The following B3GAT3 variants were observed in gnomAD, a reference collection of about 807,000 sequenced individuals.
B3GAT3 encodes galactosylgalactosylxylosylprotein 3-beta-glucuronosyltransferase 3.
B3GAT3 carries 19 observed loss-of-function variants against 33.1 expected under a neutral mutation model. That is an observed-to-expected ratio of 0.57 (90% confidence interval 0.40 to 0.84). The LOEUF is 0.84. B3GAT3 is among the 40% of genes least tolerant of loss of function. B3GAT3 has a pLI of 0.00. For missense variants in B3GAT3, 344 were observed against 441.5 expected (o/e 0.78, Z 1.98); for synonymous variants, 167 against 193.5 (o/e 0.86, Z 1.14).
chr11:62,615,991 C>G, intron 4 of B3GAT3, 192 bp from the exon 5 acceptor site: 1 of 1,448,262 alleles, frequency 6.9e-7, no homozygotes, highest in Non-Finnish European at 9.1e-7. Context: ...CGCCTGTAAC[C>G]CCAGCACTTT....
chr11:62,620,227 T>C (rs1045653048), intron 2 of B3GAT3, among the ~76,000 whole-genome samples: 7 of 152,178 alleles, frequency 4.6e-5, no homozygotes, highest in African/African-American at 1.7e-4. Flanking sequence ...TTTGCCATGT[T>C]GGCCAGGCTG....
chr11:62,616,029 G>C, intron 4 of B3GAT3: 1 of 1,325,304 alleles, frequency 7.5e-7, no homozygotes, highest in Non-Finnish European at 9.9e-7. Context: ...GGATCACGAG[G>C]TCAGGAGATT....
At chr11:62,621,312 T>A (rs542662957) in intron 1 of B3GAT3, 1 of 456,464 alleles carries the variant, frequency 2.2e-6, no homozygotes, top group African/African-American at 2.0e-5. Flanking sequence ...AGAAACAAAT[T>A]AATAACATTA....
chr11:62,621,743 G>T, intron 1 of B3GAT3, 123 bp downstream of exon 1: 1 of 1,084,320 alleles, frequency 9.2e-7, no homozygotes, highest in Non-Finnish European at 1.3e-6. Context: ...GCCTGAGGCC[G>T]CAGAGCTGTC....
rs374687580 is a variant in B3GAT3 at position 62,620,576 on chromosome 11, G to C, written c.178C>G (p.Arg60Gly). The change falls in exon 2 of 5, where the codon CGG (arginine) becomes GGG (glycine). Residue 60 changes from arginine to glycine, a missense_variant. Arg to Gly is a moderately radical substitution (Grantham distance 125). Transcript: ENST00000265471. Reference protein sequence around the residue: ...RISQLQAELRRPPPAPAQPPE... With the variant: ...RISQLQAELRGPPPAPAQPPE... Reference sequence around the variant, plus strand: ...GGCTGGGCAGGGGCAGGGGGTGGCCGTCGGAGTTCCGCTTGCAGCTGGGAA... The same window carrying C: ...GGCTGGGCAGGGGCAGGGGGTGGCCCTCGGAGTTCCGCTTGCAGCTGGGAA... The C allele has an allele frequency of 8.1e-6, 13 of 1,612,242 alleles. No homozygotes were observed. Among genetic ancestry groups the C allele is most frequent in the Non-Finnish European group, 1.1e-5 (13 of 1,179,284 alleles).
At position 62,617,303 on chromosome 11, in the gene B3GAT3, C is replaced by G. The variant is rs563591823; in HGVS notation, c.302G>C (p.Ser101Thr). 1.9e-6 allele frequency: 3 copies of G among 1,613,260 alleles called. No individual in the cohort carries two copies. The highest frequency in any genetic ancestry group is 1.3e-5 in the African/African-American group (1 of 74,926). Residue 101 changes from serine (S) to threonine (T), a missense_variant, in exon 3 of 5, where the codon AGC becomes ACC. Coordinates refer to ENST00000265471, the MANE Select transcript of B3GAT3 (RefSeq NM_012200.4). ...CAGCCAATGCAGCCGGGGCACCAGG[C>G]TCAGTGTCTGGGACAGTCGTACCAG... ...AELVRLSQTL[S>T]LVPRLHWLLV...
In B3GAT3 at chr11:62,616,657, A is replaced by G. The variant is rs1246790212; in HGVS notation, c.758T>C (p.Met253Thr). ...WEPSRPFPVD[M>T]AGFAVALPLL... ...GGGCAGGGCCACGGCAAATCCAGCCATATCCACAGGGAAGGGCCTGCTGGG... is the reference window on the plus strand; with the variant it reads ...GGGCAGGGCCACGGCAAATCCAGCCGTATCCACAGGGAAGGGCCTGCTGGG... The change falls in exon 4 of 5, where the codon ATG (methionine) becomes ACG (threonine). Residue 253 changes from methionine (M) to threonine (T), a missense_variant. Transcript: ENST00000265471. The G allele has an allele frequency of 6.2e-7, 1 of 1,614,232 alleles. No individual in the cohort carries two copies.
At chr11:62,619,502 A>G (rs1344254472) in intron 2 of B3GAT3, among the ~76,000 whole-genome samples, 1 of 152,084 alleles carries the variant, frequency 6.6e-6, no homozygotes, top group Non-Finnish European at 1.5e-5. Context: ...AACAGCTGGT[A>G]TAACTATTTC....
intron 4 of B3GAT3, 150 bp downstream of exon 4, chr11:62,616,356 C>A: frequency 8.4e-7 from 1 of 1,184,272 alleles, no homozygotes. Flanking sequence ...CGCTAGTTCC[C>A]AGCTTCCCCT....
intron 4 of B3GAT3, 165 bp from the exon 5 acceptor site, chr11:62,615,964 G>C: frequency 6.7e-7 from 1 of 1,496,320 alleles, no homozygotes; most frequent in Admixed American, 2.1e-5. Context: ...CCGGGCCTTG[G>C]CCGGGCGCGT....
chr11:62,616,894 C>T (rs1734928921), intron 3 of B3GAT3, 93 bp downstream of exon 3: 3 of 1,612,484 alleles, frequency 1.9e-6, no homozygotes, highest in Non-Finnish European at 2.5e-6. Context: ...CTTCCAGCCC[C>T]TCACCCAGCA....
At chr11:62,621,150 A>G (rs1249016316) in intron 1 of B3GAT3, 1 of 457,582 alleles carries the variant, frequency 2.2e-6, no homozygotes, top group East Asian at 6.9e-5. Flanking sequence ...TCATTGTTAA[A>G]TTCATTGATT....
At chr11:62,621,708 CGG>C (rs1943147646) in intron 1 of B3GAT3, among the ~76,000 whole-genome samples, 156 bp downstream of exon 1, 1 of 152,108 alleles carries the variant, frequency 6.6e-6, no homozygotes, top group East Asian at 1.9e-4. Context: ...CGGGTAGCCG[CGG>C]TGCGTTCTAT....
chr11:62,620,274 C>T (rs1943119862), intron 2 of B3GAT3, among the ~76,000 whole-genome samples: 1 of 152,240 alleles, frequency 6.6e-6, no homozygotes, highest in African/African-American at 2.4e-5. Context: ...CCACCCGCCT[C>T]GGCCTCCCAA....
chr11:62,620,799 T>C (rs1943131336), intron 1 of B3GAT3, 128 bp from the exon 2 acceptor site: 6 of 873,674 alleles, frequency 6.9e-6, no homozygotes, highest in Middle Eastern at 2.8e-4. Context: ...ATGACTTCCC[T>C]AGTAGCCTTT....
intron 4 of B3GAT3, chr11:62,616,269 G>C (rs1943024895): frequency 1.6e-6 from 1 of 635,528 alleles, no homozygotes; most frequent in African/African-American, 1.8e-5. Context: ...CAACAAACAG[G>C]GCCTTATTCC....
rs1943125555 is a variant in B3GAT3 at position 62,620,555 on chromosome 11, G to A, written c.199C>T (p.Gln67Ter). ...ELRRPPPAPA[Q>*]PPEPEALPTI... ...GGCAGGGCCTCGGGTTCAGGGGGCTGGGCAGGGGCAGGGGGTGGCCGTCGG... is the reference window on the plus strand; with the variant it reads ...GGCAGGGCCTCGGGTTCAGGGGGCTAGGCAGGGGCAGGGGGTGGCCGTCGG... The change falls in exon 2 of 5, where the codon CAG becomes TAG. Residue 67 changes from glutamine to a stop codon, truncating the protein, a stop_gained. Coordinates refer to ENST00000265471, the MANE Select transcript of B3GAT3 (RefSeq NM_012200.4). LOFTEE classifies it high-confidence loss of function. The A allele has an allele frequency of 6.2e-7, 1 of 1,612,640 alleles. No homozygotes were observed. Among genetic ancestry groups the A allele is most frequent in the Admixed American group, 1.7e-5 (1 of 59,888 alleles).
At chr11:62,616,028 G>A in intron 4 of B3GAT3, 1 of 1,331,942 alleles carries the variant, frequency 7.5e-7, no homozygotes, top group Admixed American at 2.8e-5. Flanking sequence ...CGGATCACGA[G>A]GTCAGGAGAT....
At chr11:62,617,487 C>T in intron 2 of B3GAT3, 140 bp from the exon 3 acceptor site, 1 of 1,170,984 alleles carries the variant, frequency 8.5e-7, no homozygotes, top group Non-Finnish European at 1.2e-6. Flanking sequence ...CTCTTTCTTG[C>T]CTGTCAACTT....
Sources: gnomAD v4.1 joint callset for allele counts (sites outside exome capture counted in the v4.1 genomes callset) on GRCh38, gnomAD v4.1.1 for gene constraint, MANE v1.5 for transcripts, NCBI Gene and HGNC (gene_info 2026-07-23, HGNC 2026-07-21) for gene names.